CYBB: variants seen among roughly 807,000 people sequenced by gnomAD.
The protein encoded by CYBB is NADPH oxidase 2.
Under a neutral mutation model 46.5 loss-of-function variants are expected in CYBB, and 5 were observed. The ratio of observed to expected loss-of-function variants is 0.11; its 90% CI spans 0.06 to 0.23. The LOEUF is 0.23. Ranked by LOEUF, CYBB falls within the 10% of genes least tolerant of loss-of-function variation. CYBB has a pLI of 1.00. For missense variants in CYBB, 307 were observed against 428.3 expected (o/e 0.72, Z 2.50); for synonymous variants, 183 against 156.7 (o/e 1.17, Z -1.26).
Position 37,783,508 on chromosome X carries a change from A to C in CYBB, c.160A>C (p.Arg54=), listed in dbSNP as rs932660228. ...CTTCTAGTCAGCACTGGCACTGGCC[A>C]GGGCCCCTGCAGCCTGCCTGAATTT... ...KLLGSALALA[R]APAACLNFNC... is the part of the protein sequence containing the mutation. The change falls in exon 3 of 13, where the codon AGG becomes CGG. Residue 54 remains arginine, a synonymous_variant. Transcript: ENST00000378588. 2 of 1,202,152 alleles carry C rather than the reference A, an allele frequency of 1.7e-6. No homozygotes were observed. The highest frequency in any genetic ancestry group is 1.8e-5 in the African/African-American group (1 of 56,979).
chrX:37,798,871 G>T, intron 6 of CYBB, 84 bp from the exon 7 acceptor site: 1 of 982,530 alleles, frequency 1.0e-6, no homozygotes, highest in Non-Finnish European at 1.4e-6. Flanking sequence ...CTACATCAGA[G>T]CACTTAAAAT....
At chrX:37,805,796 C>T (rs1314824024) in intron 10 of CYBB, among the ~76,000 whole-genome samples, 2 of 110,973 alleles carry the variant, frequency 1.8e-5, no homozygotes, top group African/African-American at 3.3e-5. Flanking sequence ...GATCAATTCA[C>T]AGGAGATTTT....
At chrX:37,783,189 C>T (rs1366048217) in intron 2 of CYBB, among the ~76,000 whole-genome samples, 4 of 111,461 alleles carry the variant, frequency 3.6e-5, no homozygotes, top group Non-Finnish European at 7.5e-5. Context: ...ATAAAGCAAG[C>T]ATAAAAGGTA....
At chrX:37,790,693 A>G (rs1929181019) in intron 3 of CYBB, among the ~76,000 whole-genome samples, 1 of 111,736 alleles carries the variant, frequency 8.9e-6, no homozygotes, top group African/African-American at 3.3e-5. Flanking sequence ...AGTAAGCACA[A>G]TTTTCTGTGC....
chrX:37,813,034 C>G lies in CYBB; in HGVS notation c.*2117C>G, dbSNP rs930569784. On this transcript the variant is annotated 3_prime_UTR_variant, in exon 13 of 13. Transcript: ENST00000378588. ...CATTTGTTGCTCCGAGAGTGTTTCTCCAAGGTTTTCTATCTTCAAAACCAA... is the reference window on the plus strand; with the variant it reads ...CATTTGTTGCTCCGAGAGTGTTTCTGCAAGGTTTTCTATCTTCAAAACCAA... The G allele has an allele frequency of 9.0e-6, 1 of 111,164 alleles. No individual in the cohort carries two copies. The highest frequency in any genetic ancestry group is 9.6e-5 in the Admixed American group (1 of 10,418). 9.2% of individuals were successfully genotyped at this position (111,164 alleles called of 1,213,427 possible). A position where few individuals can be genotyped will look rare whatever the true frequency, so the allele number is the denominator to read the frequency against.
chrX:37,803,581 C>A (rs1359766934), intron 8 of CYBB, among the ~76,000 whole-genome samples: 6 of 111,490 alleles, frequency 5.4e-5, no homozygotes, highest in Non-Finnish European at 9.4e-5. Flanking sequence ...CTAGTTGTAA[C>A]TGTGGCCTCA....
At position 37,812,224 on chromosome X, in the gene CYBB, C is replaced by CTGT. The variant is rs1957953789; in HGVS notation, c.*1309_*1311dup. On this transcript the variant is annotated 3_prime_UTR_variant, in exon 13 of 13. Coordinates refer to ENST00000378588, the MANE Select transcript of CYBB (RefSeq NM_000397.4). Reference sequence around the variant, plus strand: ...TGTTCAAGAGAGAGTCTCTAAATCACTGTTAGTGTGGCCAAGAGCAGGGTT... The same window carrying CTGT: ...TGTTCAAGAGAGAGTCTCTAAATCACTGTTGTTAGTGTGGCCAAGAGCAGGGTT... 1 of 112,081 alleles carries CTGT rather than the reference C, an allele frequency of 8.9e-6. No homozygotes were observed. Among genetic ancestry groups the CTGT allele is most frequent in the African/African-American group, 3.2e-5 (1 of 30,807 alleles). The allele number at this position is 112,081 out of a possible 1,213,427, so 9.2% of individuals were successfully genotyped here.
intron 4 of CYBB, 120 bp from the exon 5 acceptor site, chrX:37,793,544 TG>T: frequency 1.3e-6 from 1 of 764,974 alleles, no homozygotes; most frequent in Non-Finnish European, 2.0e-6. Context: ...ATAAGTGTCC[TG>T]GGCCTCCCTT....
intron 3 of CYBB, among the ~76,000 whole-genome samples, chrX:37,785,698 C>T (rs1929051647): frequency 9.0e-6 from 1 of 111,468 alleles, no homozygotes; most frequent in Admixed American, 9.5e-5. Context: ...GCATGAGTCA[C>T]CTGCCTGGCG....
intron 2 of CYBB, 98 bp downstream of exon 2, chrX:37,782,281 G>C (rs1457326773): frequency 1.8e-5 from 11 of 605,215 alleles, no homozygotes; most frequent in Non-Finnish European, 2.8e-5. Flanking sequence ...TACATATTCT[G>C]ACCAACCCAA....
chrX:37,806,328 T>C, intron 10 of CYBB, 59 bp from the exon 11 acceptor site: 1 of 1,147,208 alleles, frequency 8.7e-7, no homozygotes, highest in South Asian at 1.8e-5. Context: ...GAATTCCACA[T>C]GGTAATGCTG....
intron 4 of CYBB, among the ~76,000 whole-genome samples, chrX:37,793,272 A>C (rs1433046751): frequency 9.1e-6 from 1 of 109,322 alleles, no homozygotes; most frequent in Non-Finnish European, 1.9e-5. Flanking sequence ...TCACTACATG[A>C]GTGTTTTCTT....
At chrX:37,797,998 G>T (rs781963891) in intron 6 of CYBB, among the ~76,000 whole-genome samples, 1 of 111,822 alleles carries the variant, frequency 8.9e-6, no homozygotes, top group African/African-American at 3.3e-5. Context: ...CCCAAGCCTG[G>T]CACATGATAA....
At chrX:37,799,218 T>C in intron 7 of CYBB, 134 bp downstream of exon 7, 2 of 602,611 alleles carry the variant, frequency 3.3e-6, no homozygotes, top group South Asian at 5.0e-5. Flanking sequence ...AAAACATGTG[T>C]CTACTTTTCT....
intron 3 of CYBB, among the ~76,000 whole-genome samples, chrX:37,784,786 CT>C (rs1929026636): frequency 9.0e-6 from 1 of 111,481 alleles, no homozygotes; most frequent in Non-Finnish European, 1.9e-5. Context: ...AAGCAAACTA[CT>C]TTTGTGGGAA....
intron 11 of CYBB, 149 bp downstream of exon 11, chrX:37,806,682 C>A (rs988582322): frequency 7.1e-5 from 39 of 552,590 alleles, no homozygotes; most frequent in African/African-American, 2.1e-4. Flanking sequence ...CATTTAGTAT[C>A]GCCACATTAT....
intron 3 of CYBB, among the ~76,000 whole-genome samples, chrX:37,785,384 T>C (rs1470763541): frequency 8.9e-6 from 1 of 112,717 alleles, no homozygotes; most frequent in African/African-American, 3.2e-5. Context: ...CAGTACTTGG[T>C]ATTAAACATT....
rs1255435225 is a variant in CYBB at position 37,813,389 on chromosome X, C to A, written c.*2472C>A. 2 of 110,779 alleles carry A rather than the reference C, an allele frequency of 1.8e-5. No individual in the cohort carries two copies. Among genetic ancestry groups the A allele is most frequent in the Non-Finnish European group, 3.8e-5 (2 of 52,893 alleles). 9.1% of individuals were successfully genotyped at this position (110,779 alleles called of 1,213,427 possible). A position where few individuals can be genotyped will look rare whatever the true frequency, so the allele number is the denominator to read the frequency against. ...AGGCTTTGTATGTGAATAATTCTAG[C>A]GGGGGACCTGGGAGATAATTCCTAC... is the stretch of plus-strand genomic sequence containing the variant. On this transcript the variant is annotated 3_prime_UTR_variant, in exon 13 of 13. Coordinates refer to ENST00000378588, the MANE Select transcript of CYBB (RefSeq NM_000397.4).
intron 3 of CYBB, among the ~76,000 whole-genome samples, chrX:37,787,731 C>T (rs1569478950): frequency 8.9e-6 from 1 of 111,921 alleles, no homozygotes; most frequent in Admixed American, 9.5e-5. Flanking sequence ...TATGGGCAGT[C>T]ACAGACAGTA....
Sources: gnomAD v4.1 joint callset for allele counts (sites outside exome capture counted in the v4.1 genomes callset) on GRCh38, gnomAD v4.1.1 for gene constraint, MANE v1.5 for transcripts, NCBI Gene and HGNC (gene_info 2026-07-23, HGNC 2026-07-21) for gene names.